PPP3CC: variants seen among roughly 807,000 people sequenced by gnomAD.
PPP3CC encodes protein phosphatase 3 catalytic subunit gamma.
Under a neutral mutation model 60.3 loss-of-function variants are expected in PPP3CC, and 35 were observed. The ratio of observed to expected loss-of-function variants is 0.58; its 90% CI spans 0.44 to 0.77. The LOEUF (loss-of-function observed/expected upper bound fraction) is 0.77. Ranked by LOEUF, PPP3CC falls within the 30% of genes least tolerant of loss-of-function variation. PPP3CC has a pLI of 0.00. For synonymous variants in PPP3CC, 206 were observed against 224.3 expected, an observed-to-expected ratio of 0.92 and a Z score of 0.73; for missense variants, 570 against 628.9, an observed-to-expected ratio of 0.91 and a Z score of 1.00.
chr8:22,487,811 A>G lies in PPP3CC; in HGVS notation c.373-10190A>G, dbSNP rs577045879. 4.6e-5 allele frequency among the ~76,000 whole-genome samples: 7 copies of G among 152,376 alleles called. No individual in the cohort carries two copies. In the South Asian group the frequency reaches 1.2e-3, roughly 27 times the overall value. On this transcript the variant is annotated intron_variant, in intron 3 of 13. Coordinates refer to ENST00000240139, the MANE Select transcript of PPP3CC (RefSeq NM_005605.5). ...AAATGTTATCAGATGAGCAGGTGAT[A>G]TAAATGTTATTAGATGACCAATTGA...
intron 8 of PPP3CC, among the ~76,000 whole-genome samples, chr8:22,525,870 TA>T (rs1190276826): frequency 9.4e-6 from 1 of 106,190 alleles, no homozygotes; most frequent in Non-Finnish European, 1.9e-5. Context: ...TCTTTCATAT[TA>T]TTTTTTTTTT....
chr8:22,450,379 T>A (rs1836975220), intron 1 of PPP3CC, among the ~76,000 whole-genome samples: 1 of 152,194 alleles, frequency 6.6e-6, no homozygotes, highest in Non-Finnish European at 1.5e-5. Context: ...AAGGATTTTC[T>A]AAGTGTATTT....
chr8:22,534,300 T>C (rs929343558), intron 12 of PPP3CC, among the ~76,000 whole-genome samples: 3 of 151,886 alleles, frequency 2.0e-5, no homozygotes, highest in Non-Finnish European at 2.9e-5. Context: ...CTTACACCTG[T>C]TATCCCAGCA....
intron 1 of PPP3CC, among the ~76,000 whole-genome samples, chr8:22,445,362 C>T (rs1336909691): frequency 1.3e-5 from 2 of 151,920 alleles, no homozygotes; most frequent in Admixed American, 6.6e-5. Flanking sequence ...ATGGATTTAC[C>T]GAGGGTTTAA....
At chr8:22,450,812 T>C (rs546954978) in intron 1 of PPP3CC, among the ~76,000 whole-genome samples, 368 of 126,226 alleles carry the variant, frequency 2.9e-3, no homozygotes, top group African/African-American at 0.012. Flanking sequence ...TATTTATTTA[T>C]TTATTTATTT....
intron 4 of PPP3CC, among the ~76,000 whole-genome samples, chr8:22,504,148 T>C (rs1441218819): frequency 6.6e-6 from 1 of 150,818 alleles, no homozygotes; most frequent in African/African-American, 2.5e-5. Flanking sequence ...AGTAATAATG[T>C]TTTTTTTTAA....
chr8:22,522,078 T>C (rs757959992), intron 6 of PPP3CC, among the ~76,000 whole-genome samples: 1 of 152,038 alleles, frequency 6.6e-6, no homozygotes, highest in Non-Finnish European at 1.5e-5. Flanking sequence ...TTTATTTCTG[T>C]AACAATTTGA....
chr8:22,522,179 A>G (rs1198590207), intron 6 of PPP3CC, among the ~76,000 whole-genome samples: 1 of 152,036 alleles, frequency 6.6e-6, no homozygotes, highest in Non-Finnish European at 1.5e-5. Flanking sequence ...TGTACTTTGT[A>G]ATATCAAGAC....
chr8:22,506,405 T>C (rs549384205), intron 4 of PPP3CC, among the ~76,000 whole-genome samples: 1 of 152,180 alleles, frequency 6.6e-6, no homozygotes, highest in African/African-American at 2.4e-5. Flanking sequence ...CCACTCTTCA[T>C]CTGAAGATGT....
chr8:22,485,167 A>G (rs1231585311), intron 3 of PPP3CC, among the ~76,000 whole-genome samples: 1 of 152,156 alleles, frequency 6.6e-6, no homozygotes, highest in Non-Finnish European at 1.5e-5. Flanking sequence ...AGCCCATTTT[A>G]TTGTGGGTGC....
intron 6 of PPP3CC, among the ~76,000 whole-genome samples, chr8:22,515,085 G>GT (rs954688242): frequency 3.9e-5 from 6 of 151,998 alleles, no homozygotes; most frequent in Non-Finnish European, 8.8e-5. Context: ...CTTTCTGACT[G>GT]TTTTTTTCGA....
intron 3 of PPP3CC, among the ~76,000 whole-genome samples, chr8:22,496,483 A>ATTTTTTTT (rs1563741124): frequency 2.6e-5 from 2 of 77,056 alleles, no homozygotes; most frequent in African/African-American, 4.8e-5. Context: ...GAGAACTGTA[A>ATTTTTTTT]TCTTTTTTTT....
chr8:22,477,165 A>C (rs1837914389), intron 3 of PPP3CC, among the ~76,000 whole-genome samples: 1 of 152,092 alleles, frequency 6.6e-6, no homozygotes, highest in Non-Finnish European at 1.5e-5. Context: ...TTCATGTTTC[A>C]GTAGACATAA....
intron 8 of PPP3CC, among the ~76,000 whole-genome samples, chr8:22,523,243 G>A (rs1203207180): frequency 6.6e-6 from 1 of 151,966 alleles, no homozygotes; most frequent in Non-Finnish European, 1.5e-5. Context: ...AACGAATACT[G>A]TGACTTTGAG....
At chr8:22,486,036 T>A (rs554921157) in intron 3 of PPP3CC, among the ~76,000 whole-genome samples, 5 of 152,324 alleles carry the variant, frequency 3.3e-5, no homozygotes, top group Non-Finnish European at 7.3e-5. Flanking sequence ...CAATGTTATA[T>A]GTCCTGAGTG....
chr8:22,460,197 C>G (rs1432879150), intron 1 of PPP3CC, among the ~76,000 whole-genome samples: 1 of 151,952 alleles, frequency 6.6e-6, no homozygotes, highest in Non-Finnish European at 1.5e-5. Context: ...TGTTTTGCCT[C>G]AAGTGTATAG....
At chr8:22,471,629 A>C (rs1421647179) in intron 1 of PPP3CC, among the ~76,000 whole-genome samples, 1 of 152,206 alleles carries the variant, frequency 6.6e-6, no homozygotes, top group Non-Finnish European at 1.5e-5. Context: ...AGAAGGTACA[A>C]TAAAAACACA....
At chr8:22,523,180 C>G (rs921291791) in intron 8 of PPP3CC, among the ~76,000 whole-genome samples, 1 of 151,746 alleles carries the variant, frequency 6.6e-6, no homozygotes, top group East Asian at 1.9e-4. Context: ...GTAGAGTGAC[C>G]TAGTGTACAA....
chr8:22,530,118 G>C (rs1262065616), intron 10 of PPP3CC, among the ~76,000 whole-genome samples: 1 of 152,184 alleles, frequency 6.6e-6, no homozygotes, highest in Non-Finnish European at 1.5e-5. Flanking sequence ...TCATGCTTCA[G>C]GTTCCGCACT....
Sources: gnomAD v4.1 joint callset for allele counts (sites outside exome capture counted in the v4.1 genomes callset) on GRCh38, gnomAD v4.1.1 for gene constraint, MANE v1.5 for transcripts, NCBI Gene and HGNC (gene_info 2026-07-23, HGNC 2026-07-21) for gene names.